The following FGF13 variants were observed in gnomAD, a reference collection of about 807,000 sequenced individuals.
FGF13 encodes the protein fibroblast growth factor 13, also known as fibroblast growth factor homologous factor 2.
A neutral mutation model predicts 19.5 loss-of-function variants in FGF13; 2 were observed. The ratio of observed to expected loss-of-function variants is 0.10; its 90% confidence interval spans 0.04 to 0.32. The LOEUF (loss-of-function observed/expected upper bound fraction) is 0.32, where lower values mean the gene tolerates loss of function less well. Ranked by LOEUF, FGF13 falls within the 10% of genes least tolerant of loss-of-function variation. The pLI, the probability that FGF13 is intolerant of heterozygous loss-of-function variation, is 1.00. For synonymous variants in FGF13, 72 were observed against 76.9 expected, an observed-to-expected ratio of 0.94 and a Z score of 0.33; for missense variants, 113 against 192.7, an observed-to-expected ratio of 0.59 and a Z score of 2.45.
chrX:138,646,379 G>T (rs888841182), intron 3 of FGF13, among the ~76,000 whole-genome samples: 2 of 111,438 alleles, frequency 1.8e-5, no homozygotes, highest in Admixed American at 1.9e-4. Context: ...TCTGTTTACG[G>T]TAGCTGGTAC....
chrX:138,618,631 C>G lies in FGF13; in HGVS notation c.*14219G>C, dbSNP rs1208497115. 1 of 111,636 alleles carries G rather than the reference C, an allele frequency of 9.0e-6. No individual in the cohort carries two copies. The highest frequency in any genetic ancestry group is 3.3e-5 in the African/African-American group (1 of 30,620). 9.2% of individuals were successfully genotyped at this position (111,636 alleles called of 1,213,427 possible). A position where few individuals can be genotyped will look rare whatever the true frequency, so the allele number is the denominator to read the frequency against. ...CTCCCAAAACTTTGCATGTCTCCCT[C>G]TCTCCTCTACCTTGGCTTGCTCCCT... On this transcript the variant is annotated 3_prime_UTR_variant, in exon 5 of 5. Transcript: ENST00000315930.
At chrX:138,723,537 G>C (rs1394962250) in intron 1 of FGF13, among the ~76,000 whole-genome samples, 1 of 111,167 alleles carries the variant, frequency 9.0e-6, no homozygotes, top group Non-Finnish European at 1.9e-5. Flanking sequence ...CTCATCCACT[G>C]CCATGACTAA....
chrX:138,618,918 C>T lies in FGF13; in HGVS notation c.*13932G>A, dbSNP rs1387277429. Reference sequence around the variant, plus strand: ...AAGAGTCTTAGTATCCCCAGTCAGGCTAACTGGTATAACTGTTTCTCTTCT... The same window carrying T: ...AAGAGTCTTAGTATCCCCAGTCAGGTTAACTGGTATAACTGTTTCTCTTCT... On this transcript the variant is annotated 3_prime_UTR_variant, in exon 5 of 5. Transcript: ENST00000315930. The T allele has an allele frequency of 9.0e-6, 1 of 111,218 alleles. No individual in the cohort carries two copies. The highest frequency in any genetic ancestry group is 9.6e-5 in the Admixed American group (1 of 10,433). The allele number at this position is 111,218 out of a possible 1,213,427, so 9.2% of individuals were successfully genotyped here.
At chrX:138,882,629 G>A (rs142266915) in intron 1 of FGF13, among the ~76,000 whole-genome samples, 1,168 of 111,572 alleles carry the variant, frequency 0.01, 68 homozygotes, top group Admixed American at 0.099. Flanking sequence ...AGCCATCCAG[G>A]GTAAACTAGC....
chrX:138,873,897 G>T (rs1259204327), intron 1 of FGF13, among the ~76,000 whole-genome samples: 1 of 105,658 alleles, frequency 9.5e-6, no homozygotes, highest in Admixed American at 1.1e-4. Flanking sequence ...GCAAACTATG[G>T]CAAGGACAAA....
chrX:138,654,821 T>C (rs1292214728), intron 3 of FGF13, among the ~76,000 whole-genome samples: 2 of 111,037 alleles, frequency 1.8e-5, no homozygotes, highest in African/African-American at 6.6e-5. Context: ...TGTGACCTCA[T>C]TTTTTTTGGT....
intron 3 of FGF13, among the ~76,000 whole-genome samples, chrX:138,828,525 G>A (rs755067671): frequency 1.2e-4 from 12 of 101,018 alleles, no homozygotes; most frequent in African/African-American, 3.6e-4. Context: ...AGCCGAGATC[G>A]CGCCACTGCA....
At chrX:138,715,275 A>C (rs1057328596), upstream of FGF13, among the ~76,000 whole-genome samples, 10 of 112,080 alleles carry the variant, frequency 8.9e-5, no homozygotes, top group Non-Finnish European at 1.9e-4. Flanking sequence ...TCTGCCACTA[A>C]TTGGCTGTGT....
intron 3 of FGF13, among the ~76,000 whole-genome samples, chrX:138,755,781 A>G (rs1290622161): frequency 2.7e-5 from 3 of 112,262 alleles, no homozygotes; most frequent in South Asian, 7.4e-4. Flanking sequence ...CAGAGAGGAA[A>G]AGAATCAGGG....
At chrX:139,075,838 T>A (rs866369766) in intron 1 of FGF13, among the ~76,000 whole-genome samples, 1 of 11,319 alleles carries the variant, frequency 8.8e-5, no homozygotes, top group Non-Finnish European at 1.6e-4. Flanking sequence ...ATTTCTTTTT[T>A]TTTTTTTTTT....
At chrX:139,152,469 G>A (rs1478965526) in intron 1 of FGF13, among the ~76,000 whole-genome samples, 1 of 109,919 alleles carries the variant, frequency 9.1e-6, no homozygotes, top group Non-Finnish European at 1.9e-5. Flanking sequence ...TGGTTCTAGA[G>A]CCCGATCAAG....
Position 138,711,163 on chromosome X carries a change from G to C in FGF13, c.-160C>G, listed in dbSNP as rs1602732255. 2 of 1,077,889 alleles carry C rather than the reference G, an allele frequency of 1.9e-6. No homozygotes were observed. Among genetic ancestry groups the C allele is most frequent in the Non-Finnish European group, 2.4e-6 (2 of 836,171 alleles). The allele number at this position is 1,077,889 out of a possible 1,213,427, so 88.8% of individuals were successfully genotyped here. On this transcript the variant is annotated 5_prime_UTR_variant, in exon 1 of 5. Transcript: ENST00000315930. ...TTCTCCGCACTCGGGCTTCAGCCAA[G>C]GAGGGGGCTCAGCATGCCGTCCGAG...
At chrX:138,922,572 C>T (rs1202447963) in intron 1 of FGF13, among the ~76,000 whole-genome samples, 1 of 111,933 alleles carries the variant, frequency 8.9e-6, no homozygotes, top group Non-Finnish European at 1.9e-5. Flanking sequence ...CAATTGTCCA[C>T]TAGACATCAT....
At chrX:139,174,543 C>T (rs1239321442) in intron 1 of FGF13, among the ~76,000 whole-genome samples, 4 of 110,827 alleles carry the variant, frequency 3.6e-5, no homozygotes, top group East Asian at 2.8e-4. Context: ...TAGGTCTTAA[C>T]GTTTAATCCA....
intron 1 of FGF13, among the ~76,000 whole-genome samples, chrX:139,194,721 C>T: frequency 9.0e-6 from 1 of 111,634 alleles, no homozygotes; most frequent in Non-Finnish European, 1.9e-5. Flanking sequence ...ACCAGCGCTG[C>T]TCTGACCGCC....
At chrX:138,922,421 A>G (rs960935902) in intron 1 of FGF13, among the ~76,000 whole-genome samples, 4 of 111,569 alleles carry the variant, frequency 3.6e-5, no homozygotes, top group African/African-American at 1.3e-4. Context: ...GCACGCCTCA[A>G]TCTGTGGGGA....
exon 3 of FGF13, chrX:138,857,609 T>G: frequency 8.3e-7 from 1 of 1,208,774 alleles, no homozygotes; most frequent in Non-Finnish European, 1.1e-6. Context: ...TTTTCTTTAA[T>G]TCCGCAGATT....
chrX:139,072,191 A>T (rs1208373765), intron 1 of FGF13, among the ~76,000 whole-genome samples: 3 of 108,784 alleles, frequency 2.8e-5, no homozygotes, highest in Non-Finnish European at 5.7e-5. Flanking sequence ...AGTTCATAAA[A>T]GTGGGGCCCT....
upstream of FGF13, chrX:139,203,990 C>T (rs756024839): frequency 9.0e-7 from 1 of 1,112,057 alleles, no homozygotes; most frequent in East Asian, 3.0e-5. Flanking sequence ...CGCCGGAGGG[C>T]GGCGCGCACG....
Sources: gnomAD v4.1 joint callset for allele counts (sites outside exome capture counted in the v4.1 genomes callset) on GRCh38, gnomAD v4.1.1 for gene constraint, MANE v1.5 for transcripts, NCBI Gene and HGNC (gene_info 2026-07-23, HGNC 2026-07-21) for gene names.